PALM2AKAP2: variants seen among roughly 807,000 people sequenced by gnomAD.
The protein encoded by PALM2AKAP2 is PALM2 and AKAP2 fusion.
A neutral mutation model predicts 71.5 loss-of-function variants in PALM2AKAP2; 37 were observed. The ratio of observed to expected loss-of-function variants is 0.52; its 90% CI spans 0.40 to 0.68. The LOEUF is 0.68. PALM2AKAP2 is among the 30% of genes least tolerant of loss of function. The pLI, the probability that PALM2AKAP2 is intolerant of heterozygous loss-of-function variation, is 0.00. For missense variants in PALM2AKAP2, 1,224 were observed against 1,191.8 expected, an observed-to-expected ratio of 1.03 and a Z score of -0.40; for synonymous variants, 468 against 478.8, an observed-to-expected ratio of 0.98 and a Z score of 0.29.
intron 1 of PALM2AKAP2, among the ~76,000 whole-genome samples, chr9:109,714,055 A>G (rs1828281574): frequency 6.6e-6 from 1 of 152,188 alleles, no homozygotes; most frequent in African/African-American, 2.4e-5. Flanking sequence ...CTATTAATTA[A>G]AAAAAATTAA....
chr9:110,095,912 A>G (rs1834824688), intron 1 of PALM2AKAP2, among the ~76,000 whole-genome samples: 1 of 152,204 alleles, frequency 6.6e-6, no homozygotes, highest in Admixed American at 6.5e-5. Flanking sequence ...GAAGTAGCCC[A>G]TCTCTAAGTC....
chr9:110,131,021 C>A (rs867416011), intron 1 of PALM2AKAP2, among the ~76,000 whole-genome samples: 1 of 152,164 alleles, frequency 6.6e-6, no homozygotes, highest in Non-Finnish European at 1.5e-5. Context: ...GAGGAAGCCA[C>A]CTGTGGGGCG....
At chr9:109,682,183 G>C (rs1231357634) in intron 1 of PALM2AKAP2, among the ~76,000 whole-genome samples, 1 of 152,188 alleles carries the variant, frequency 6.6e-6, no homozygotes, top group Non-Finnish European at 1.5e-5. Flanking sequence ...GAAGTGCATG[G>C]ATTGATAATG....
At chr9:109,758,343 C>T (rs551924602) in intron 1 of PALM2AKAP2, among the ~76,000 whole-genome samples, 1 of 152,126 alleles carries the variant, frequency 6.6e-6, no homozygotes, top group South Asian at 2.1e-4. Context: ...GAGCATGGGT[C>T]ATCTGTAGGA....
intron 3 of PALM2AKAP2, among the ~76,000 whole-genome samples, chr9:109,894,500 CTG>C (rs1254712500): frequency 6.6e-6 from 1 of 152,158 alleles, no homozygotes; most frequent in Non-Finnish European, 1.5e-5. Flanking sequence ...TATTACCAGT[CTG>C]TGACAAAGAC....
intron 3 of PALM2AKAP2, among the ~76,000 whole-genome samples, chr9:110,165,701 C>T (rs1050834711): frequency 1.3e-5 from 2 of 152,158 alleles, no homozygotes; most frequent in African/African-American, 4.8e-5. Context: ...TAAACGTTTC[C>T]ATAATTATGA....
At chr9:109,704,663 G>T (rs1828114333) in intron 1 of PALM2AKAP2, among the ~76,000 whole-genome samples, 1 of 152,156 alleles carries the variant, frequency 6.6e-6, no homozygotes, top group African/African-American at 2.4e-5. Flanking sequence ...TTCACCTGTT[G>T]GTGTCATTTC....
chr9:110,018,824 G>T (rs923182571), intron 7 of PALM2AKAP2, among the ~76,000 whole-genome samples: 2 of 152,050 alleles, frequency 1.3e-5, no homozygotes, highest in African/African-American at 2.4e-5. Context: ...TTTCCTTTGG[G>T]TATAAGTTGT....
chr9:110,098,171 G>C lies in PALM2AKAP2; in HGVS notation c.157-37956G>C, dbSNP rs146214234. 6.5e-3 allele frequency among the ~76,000 whole-genome samples: 982 copies of C among 151,586 alleles called. 12 individuals are homozygous for C. Among genetic ancestry groups the C allele is most frequent in the South Asian group, 0.031 (150 of 4,790 alleles). On this transcript the variant is annotated intron_variant, in intron 1 of 3. Coordinates refer to ENST00000374525, the Ensembl canonical transcript of PALM2AKAP2. ...CAGTGGAAAGAGGGGAGAGGGGAGA[G>C]GGGAGAGGGAATCACAGAATTTTCA...
At chr9:110,073,672 A>G (rs867305534) in intron 1 of PALM2AKAP2, among the ~76,000 whole-genome samples, 32 of 152,206 alleles carry the variant, frequency 2.1e-4, no homozygotes, top group Admixed American at 1.3e-4. Flanking sequence ...TTTTGCAGAT[A>G]AACATTAGAT....
chr9:110,079,673 A>G (rs1347696615), intron 1 of PALM2AKAP2, among the ~76,000 whole-genome samples: 1 of 152,214 alleles, frequency 6.6e-6, no homozygotes, highest in Non-Finnish European at 1.5e-5. Context: ...TAGAAGGCAT[A>G]TATGGAGCAT....
At chr9:109,728,595 T>C (rs1828509248) in intron 1 of PALM2AKAP2, among the ~76,000 whole-genome samples, 1 of 152,238 alleles carries the variant, frequency 6.6e-6, no homozygotes, top group South Asian at 2.1e-4. Flanking sequence ...CTTTGGGTGT[T>C]AGTTCTTCTT....
intron 6 of PALM2AKAP2, among the ~76,000 whole-genome samples, chr9:109,978,572 TA>T (rs1196866933): frequency 6.6e-6 from 1 of 152,224 alleles, no homozygotes; most frequent in Non-Finnish European, 1.5e-5. Context: ...ATGTTGCCTG[TA>T]AGGACTCTCT....
intron 1 of PALM2AKAP2, among the ~76,000 whole-genome samples, chr9:109,758,331 T>TGTA (rs1828998084): frequency 6.6e-6 from 1 of 152,212 alleles, no homozygotes; most frequent in East Asian, 1.9e-4. Context: ...TCATATCATT[T>TGTA]TGAGCATGGG....
intron 1 of PALM2AKAP2, among the ~76,000 whole-genome samples, chr9:110,056,945 G>C (rs148761099): frequency 1.6e-3 from 244 of 152,318 alleles, no homozygotes; most frequent in Admixed American, 3.3e-3. Flanking sequence ...TGTTGAGATA[G>C]AGGAATGAAA....
intron 1 of PALM2AKAP2, among the ~76,000 whole-genome samples, chr9:109,727,103 C>T (rs1483915281): frequency 6.6e-6 from 1 of 152,230 alleles, no homozygotes; most frequent in African/African-American, 2.4e-5. Flanking sequence ...ACCTTGCTAA[C>T]TAGATTAGAG....
At position 109,677,096 on chromosome 9, in the gene PALM2AKAP2, G is replaced by A. The variant is rs148424361; in HGVS notation, c.5+36230G>A. ...GGGCAGTAGCTAGAAGGTTATGCAG[G>A]ATCAAGGGAGGTTTTTATTGTTTGT... On this transcript the variant is annotated intron_variant, in intron 1 of 6. Transcript: ENST00000374531. 2.0e-3 allele frequency among the ~76,000 whole-genome samples: 300 copies of A among 152,242 alleles called. 3 individuals carry two copies. The highest frequency in any genetic ancestry group is 9.4e-4 in the Non-Finnish European group (64 of 68,006).
chr9:109,803,467 A>G (rs1438772195), intron 1 of PALM2AKAP2, among the ~76,000 whole-genome samples: 2 of 152,212 alleles, frequency 1.3e-5, no homozygotes, highest in African/African-American at 2.4e-5. Context: ...TAGGCAAACT[A>G]GGAGCCCTCA....
intron 1 of PALM2AKAP2, among the ~76,000 whole-genome samples, chr9:109,682,843 C>T (rs1010884696): frequency 6.6e-6 from 1 of 152,058 alleles, no homozygotes; most frequent in African/African-American, 2.4e-5. Context: ...TAGTGGCCCT[C>T]CAAAAAACAT....
Sources: allele counts gnomAD v4.1 joint callset (sites outside exome capture counted in the v4.1 genomes callset), GRCh38; gene constraint gnomAD v4.1.1; transcripts MANE v1.5; gene names NCBI Gene and HGNC (gene_info 2026-07-23, HGNC 2026-07-21).